Variants in SLC4A4 observed in about 807,000 individuals in gnomAD.
The protein encoded by SLC4A4 is solute carrier family 4 member 4.
Under a neutral mutation model 111.5 loss-of-function variants are expected in SLC4A4, and 27 were observed. That is an observed-to-expected ratio of 0.24 (90% CI 0.18 to 0.33). The LOEUF is 0.33. SLC4A4 is among the 10% of genes least tolerant of loss of function. The pLI, the probability that SLC4A4 is intolerant of heterozygous loss-of-function variation, is 1.00. For missense variants in SLC4A4, 909 were observed against 1,315.5 expected (o/e 0.69, Z 4.78); for synonymous variants, 443 against 463.4 (o/e 0.96, Z 0.57).
intron 3 of SLC4A4, among the ~76,000 whole-genome samples, chr4:71,278,797 T>A (rs537544289): frequency 1.3e-5 from 2 of 152,306 alleles, no homozygotes; most frequent in South Asian, 4.1e-4. Flanking sequence ...GAGATTGTCA[T>A]TATTATTATT....
In SLC4A4 at chr4:71,132,187, C is replaced by T. The variant is rs560789828; in HGVS notation, c.-2+39395C>T. On this transcript the variant is annotated intron_variant, in intron 2 of 26. Coordinates refer to the SLC4A4 transcript ENST00000649996. ...GCTTTAAAAATCACTAGTGTTTTTT[C>T]CTTTAAACAAGAAGAAAAGATTCAG... 1.3e-4 allele frequency among the ~76,000 whole-genome samples: 19 copies of T among 151,988 alleles called. 1 individual carries two copies. The highest frequency in any genetic ancestry group is 1.0e-3 in the Admixed American group (16 of 15,272).
chr4:71,304,750 G>A (rs927670722), intron 3 of SLC4A4, among the ~76,000 whole-genome samples: 1 of 152,164 alleles, frequency 6.6e-6, no homozygotes, highest in Non-Finnish European at 1.5e-5. Context: ...TCAGCCTTGG[G>A]CAAGGTTTTG....
intron 2 of SLC4A4, among the ~76,000 whole-genome samples, chr4:71,178,421 G>A (rs1241873652): frequency 6.6e-6 from 1 of 152,076 alleles, no homozygotes; most frequent in African/African-American, 2.4e-5. Flanking sequence ...CCAGGAGCTG[G>A]TTTTTTGAAA....
chr4:71,341,815 G>A (rs1251669393), intron 4 of SLC4A4, among the ~76,000 whole-genome samples: 2 of 152,146 alleles, frequency 1.3e-5, no homozygotes, highest in East Asian at 3.9e-4. Context: ...CTCACCAAGA[G>A]TTTCTAGGTA....
At chr4:71,078,599 T>C (rs1433663816) in intron 1 of SLC4A4, among the ~76,000 whole-genome samples, 1 of 152,114 alleles carries the variant, frequency 6.6e-6, no homozygotes, top group Non-Finnish European at 1.5e-5. Flanking sequence ...AATAAACACA[T>C]TGAGTATCAA....
Position 71,091,691 on chromosome 4 carries a change from A to T in SLC4A4, c.-64-1039A>T, listed in dbSNP as rs79073241. On this transcript the variant is annotated intron_variant, in intron 1 of 26. Coordinates refer to the SLC4A4 transcript ENST00000649996. The stretch of plus-strand genomic sequence containing the variant: ...TTTCTATGGACATTCTGAAAATTTA[A>T]CTTCTTTCACAGGGACAGAAAATAA... 2.4e-3 allele frequency among the ~76,000 whole-genome samples: 366 copies of T among 152,206 alleles called. 11 individuals carry two copies. In the East Asian group the frequency reaches 0.059, roughly 25 times the overall value.
At chr4:71,424,122 A>C (rs1247502286) in intron 7 of SLC4A4, among the ~76,000 whole-genome samples, 1 of 152,146 alleles carries the variant, frequency 6.6e-6, no homozygotes, top group African/African-American at 2.4e-5. Flanking sequence ...CAGAATCTAC[A>C]ATGAACTCAA....
intron 1 of SLC4A4, among the ~76,000 whole-genome samples, chr4:71,192,706 T>C (rs1301853408): frequency 2.0e-5 from 3 of 152,122 alleles, no homozygotes; most frequent in African/African-American, 7.2e-5. Flanking sequence ...TTTATTGAAA[T>C]ACATATGGTC....
intron 6 of SLC4A4, among the ~76,000 whole-genome samples, chr4:71,372,343 C>G (rs1234202787): frequency 1.3e-5 from 2 of 152,204 alleles, no homozygotes; most frequent in Non-Finnish European, 2.9e-5. Flanking sequence ...AAATGATTTC[C>G]TCTTACAGAT....
chr4:71,237,672 A>G (rs1030946658), intron 2 of SLC4A4, among the ~76,000 whole-genome samples: 2 of 152,178 alleles, frequency 1.3e-5, no homozygotes, highest in African/African-American at 2.4e-5. Flanking sequence ...GGTACTGGGC[A>G]AGTGATGCTC....
rs550319236 is a variant in SLC4A4 at position 71,531,214 on chromosome 4, C to A, written c.2167-848C>A. On this transcript the variant is annotated intron_variant, in intron 16 of 25. Coordinates refer to ENST00000264485, the MANE Select transcript of SLC4A4 (RefSeq NM_001098484.3). The stretch of plus-strand genomic sequence containing the variant: ...ATCTCAAGCAAACAAATGGTATATG[C>A]TCCCCTTACCAACTTGCAAATGGCC... 3.9e-5 allele frequency among the ~76,000 whole-genome samples: 6 copies of A among 152,232 alleles called. No individual in the cohort carries two copies. In the South Asian group the frequency reaches 1.2e-3, roughly 32 times the overall value.
rs372213138 is a variant in SLC4A4 at position 71,441,643 on chromosome 4, C to T, written c.965+870C>T. ...ATAGATGGATCCTCCTCAGCTCAGACGGTCTGAGCATGATTAACCAACAGT... is the reference window on the plus strand; with the variant it reads ...ATAGATGGATCCTCCTCAGCTCAGATGGTCTGAGCATGATTAACCAACAGT... On this transcript the variant is annotated intron_variant, in intron 8 of 25. Transcript: ENST00000264485. 3.4e-4 allele frequency among the ~76,000 whole-genome samples: 51 copies of T among 152,156 alleles called. No homozygotes were observed. In the East Asian group the frequency reaches 4.6e-3, roughly 14 times the overall value.
intron 2 of SLC4A4, among the ~76,000 whole-genome samples, chr4:71,167,347 A>G (rs1744805050): frequency 6.6e-6 from 1 of 152,142 alleles, no homozygotes; most frequent in Admixed American, 6.5e-5. Flanking sequence ...CTGGCAAACA[A>G]AGTAGTAGCT....
At chr4:71,545,475 G>T (rs1578158373) in intron 18 of SLC4A4, among the ~76,000 whole-genome samples, 1 of 151,944 alleles carries the variant, frequency 6.6e-6, no homozygotes, top group South Asian at 2.1e-4. Context: ...CTCCATAGGG[G>T]TATCAAGTAT....
At chr4:71,189,645 A>G (rs1258787125) in intron 1 of SLC4A4, among the ~76,000 whole-genome samples, 1 of 152,202 alleles carries the variant, frequency 6.6e-6, no homozygotes, top group Non-Finnish European at 1.5e-5. Flanking sequence ...AGAAATGCAC[A>G]CTAGCTGGTG....
intron 2 of SLC4A4, among the ~76,000 whole-genome samples, chr4:71,177,410 C>G (rs1009664336): frequency 6.6e-6 from 1 of 152,138 alleles, no homozygotes; most frequent in Non-Finnish European, 1.5e-5. Context: ...CAAGACCCAT[C>G]AGTGTGCTAT....
chr4:71,180,027 G>A (rs1423164500), intron 2 of SLC4A4, among the ~76,000 whole-genome samples: 3 of 152,156 alleles, frequency 2.0e-5, no homozygotes, highest in African/African-American at 4.8e-5. Flanking sequence ...GAACAGAACA[G>A]AGCCCTCAGA....
At chr4:71,101,679 A>C (rs1404768184) in intron 2 of SLC4A4, among the ~76,000 whole-genome samples, 2 of 152,206 alleles carry the variant, frequency 1.3e-5, no homozygotes, top group African/African-American at 4.8e-5. Context: ...CTCACATGGC[A>C]GGGTATTCCA....
At chr4:71,116,279 G>C (rs1055720321) in intron 2 of SLC4A4, among the ~76,000 whole-genome samples, 2 of 152,186 alleles carry the variant, frequency 1.3e-5, no homozygotes, top group Non-Finnish European at 2.9e-5. Flanking sequence ...AAAGCAAAAT[G>C]TACTTCGTAG....
Sources: allele counts gnomAD v4.1 joint callset (sites outside exome capture counted in the v4.1 genomes callset), GRCh38; gene constraint gnomAD v4.1.1; transcripts MANE v1.5; gene names NCBI Gene and HGNC (gene_info 2026-07-23, HGNC 2026-07-21).